Variants in IGF2BP1 observed in about 807,000 individuals in gnomAD.
IGF2BP1 encodes insulin-like growth factor 2 mRNA-binding protein 1.
Under a neutral mutation model 74.9 loss-of-function variants are expected in IGF2BP1, and 11 were observed. The observed-to-expected ratio is 0.15, with a 90% CI of 0.09 to 0.24. The LOEUF is 0.24. Ranked by LOEUF, IGF2BP1 falls within the 10% of genes least tolerant of loss-of-function variation. IGF2BP1 has a pLI of 1.00. For missense variants in IGF2BP1, 440 were observed against 757.4 expected (o/e 0.58, Z 4.92); for synonymous variants, 287 against 281.8 (o/e 1.02, Z -0.18).
intron 4 of IGF2BP1, among the ~76,000 whole-genome samples, chr17:49,029,960 T>A (rs1031442810): frequency 3.9e-5 from 6 of 152,094 alleles, no homozygotes; most frequent in African/African-American, 1.2e-4. Flanking sequence ...GGGATTCTAA[T>A]GTCAGCTTGC....
chr17:49,041,523 T>C (rs1353005344), intron 8 of IGF2BP1, 23 bp downstream of exon 8: 1 of 1,613,744 alleles, frequency 6.2e-7, no homozygotes, highest in East Asian at 2.2e-5. Context: ...TCTATTTCCC[T>C]GTTTATGAGT....
intron 4 of IGF2BP1, 105 bp downstream of exon 4, chr17:49,026,622 TTCCTTCCTTCCTGC>T: frequency 4.1e-6 from 2 of 482,352 alleles, no homozygotes; most frequent in Admixed American, 8.4e-5. Flanking sequence ...CCTTCCTTCC[TTCCTTCCTTCCTGC>T]CTTCCTTCCT....
chr17:49,007,008 T>G (rs1567809677), intron 2 of IGF2BP1, among the ~76,000 whole-genome samples: 1 of 152,182 alleles, frequency 6.6e-6, no homozygotes, highest in East Asian at 1.9e-4. Context: ...TTTCACACTT[T>G]ACGGCTACTG....
chr17:49,039,305 C>T (rs1269671779), intron 6 of IGF2BP1, among the ~76,000 whole-genome samples: 1 of 152,126 alleles, frequency 6.6e-6, no homozygotes, highest in Non-Finnish European at 1.5e-5. Flanking sequence ...ATATTTGTTT[C>T]AAGGGGGACA....
chr17:49,004,864 T>G (rs1375716194), intron 2 of IGF2BP1: 1 of 152,206 alleles, frequency 6.6e-6, no homozygotes, highest in Admixed American at 6.5e-5. Flanking sequence ...AGAAAGTGTA[T>G]GCCCATTTGG....
Position 48,997,619 on chromosome 17 carries a change from G to C in IGF2BP1, c.-127G>C. ...GCCCTGGGCTCGGGACAACTTCTGG[G>C]GTGGGGTGCAAAGAAAGTTTGCGGC... On this transcript the variant is annotated 5_prime_UTR_variant, in exon 1 of 15. Coordinates refer to ENST00000290341, the MANE Select transcript of IGF2BP1 (RefSeq NM_006546.4). The surrounding 1 kb of genome is among the most constrained non-coding windows in gnomAD (Gnocchi z 4.8). 1.0e-6 allele frequency: 1 copy of C among 1,002,638 alleles called. No individual in the cohort carries two copies. The highest frequency in any genetic ancestry group is 1.5e-6 in the Non-Finnish European group (1 of 685,326). 62.1% of individuals were successfully genotyped at this position (1,002,638 alleles called of 1,614,324 possible).
At chr17:49,014,535 C>G (rs1475763847) in intron 2 of IGF2BP1, among the ~76,000 whole-genome samples, 4 of 152,000 alleles carry the variant, frequency 2.6e-5, no homozygotes, top group Non-Finnish European at 2.9e-5. Flanking sequence ...GGAGGAAGAC[C>G]TCCACAGAGA....
chr17:49,023,528 A>G (rs151158974), intron 2 of IGF2BP1, among the ~76,000 whole-genome samples: 173 of 152,316 alleles, frequency 1.1e-3, no homozygotes, highest in African/African-American at 3.9e-3. Flanking sequence ...CACTTTTACA[A>G]CTAGAGCTTA....
intron 13 of IGF2BP1, 22 bp from the exon 14 acceptor site, chr17:49,046,238 G>A: frequency 6.2e-7 from 1 of 1,601,986 alleles, no homozygotes; most frequent in Non-Finnish European, 8.6e-7. Flanking sequence ...GGCACCCTGA[G>A]CTCCTCTCTG....
intron 7 of IGF2BP1, among the ~76,000 whole-genome samples, chr17:49,040,587 G>A (rs1053093633): frequency 2.6e-5 from 4 of 152,200 alleles, no homozygotes; most frequent in African/African-American, 4.8e-5. Flanking sequence ...TTGTGTCTGC[G>A]TGCCTGCATG....
At chr17:49,020,523 A>C (rs1253439033) in intron 2 of IGF2BP1, among the ~76,000 whole-genome samples, 1 of 152,198 alleles carries the variant, frequency 6.6e-6, no homozygotes, top group Admixed American at 6.5e-5. Context: ...CCAGAATTTG[A>C]ACCCAAAGCC....
intron 2 of IGF2BP1, among the ~76,000 whole-genome samples, chr17:49,017,631 CAG>C (rs2041722431): frequency 6.6e-6 from 1 of 152,096 alleles, no homozygotes; most frequent in African/African-American, 2.4e-5. Flanking sequence ...TTTTTCAAGT[CAG>C]AGTCTCACTC....
chr17:49,042,785 T>C (rs1269322173), intron 9 of IGF2BP1, among the ~76,000 whole-genome samples: 1 of 152,148 alleles, frequency 6.6e-6, no homozygotes, highest in Admixed American at 6.6e-5. Flanking sequence ...CAAGGAATAC[T>C]CCTGCTTCAG....
chr17:49,015,118 G>A (rs761745898), intron 2 of IGF2BP1, among the ~76,000 whole-genome samples: 6 of 152,108 alleles, frequency 3.9e-5, no homozygotes, highest in Non-Finnish European at 7.4e-5. Flanking sequence ...GATTACAGGC[G>A]TGTGCCACAA....
In IGF2BP1 at chr17:49,041,355, ACTTCTTCCTTTGTCTTC is replaced by A; in HGVS notation, c.819-21_819-5del. 1.2e-6 allele frequency: 2 copies of A among 1,613,242 alleles called. No individual in the cohort carries two copies. Among genetic ancestry groups the A allele is most frequent in the Non-Finnish European group, 1.7e-6 (2 of 1,179,654 alleles). The stretch of plus-strand genomic sequence containing the variant: ...ACAATTGAAGGAACTCTTGTCTTCC[ACTTCTTCCTTTGTCTTC>A]CCAAGGGCTGACGAGGTTCCCCTGA... On this transcript the variant is annotated splice_polypyrimidine_tract_variant and splice_region_variant and intron_variant, in intron 7 of 14. Coordinates refer to ENST00000290341, the MANE Select transcript of IGF2BP1 (RefSeq NM_006546.4).
Position 49,054,336 on chromosome 17 carries a change from G to GT in IGF2BP1, c.*4893dup, listed in dbSNP as rs1426949648. The GT allele has an allele frequency of 2.0e-5, 3 of 152,694 alleles. No homozygotes were observed. The highest frequency in any genetic ancestry group is 7.2e-5 in the African/African-American group (3 of 41,462). 9.5% of individuals were successfully genotyped at this position (152,694 alleles called of 1,614,324 possible). On this transcript the variant is annotated 3_prime_UTR_variant, in exon 15 of 15. Coordinates refer to ENST00000290341, the MANE Select transcript of IGF2BP1 (RefSeq NM_006546.4). The stretch of plus-strand genomic sequence containing the variant: ...GAGCATGTGTTTTGATTAACCGCAG[G>GT]TGATGGATGCTACGAGTATAAATGG...
intron 2 of IGF2BP1, among the ~76,000 whole-genome samples, chr17:49,009,504 G>A (rs1454983855): frequency 1.3e-5 from 2 of 151,874 alleles, no homozygotes; most frequent in Non-Finnish European, 2.9e-5. Flanking sequence ...CAGGTCAGGA[G>A]TTCAAGACCA....
At chr17:49,029,296 C>T (rs1482730701) in intron 4 of IGF2BP1, among the ~76,000 whole-genome samples, 1 of 152,174 alleles carries the variant, frequency 6.6e-6, no homozygotes, top group African/African-American at 2.4e-5. Flanking sequence ...AGGGAGAGAC[C>T]TACTGATGAA....
Position 49,010,551 on chromosome 17 carries a change from C to T in IGF2BP1, c.236+11382C>T, listed in dbSNP as rs192419469. Among the ~76,000 whole-genome samples, 274 of 151,994 alleles carry T rather than the reference C, an allele frequency of 1.8e-3. 3 individuals carry two copies. The highest frequency in any genetic ancestry group is 0.015 in the Admixed American group (236 of 15,266). On this transcript the variant is annotated intron_variant, in intron 2 of 14. Coordinates refer to ENST00000290341, the MANE Select transcript of IGF2BP1 (RefSeq NM_006546.4). The stretch of plus-strand genomic sequence containing the variant: ...CAGGATGGTCACGATCTCCTGACCT[C>T]GTGATCTGCCCGCCTTGGCCTCCCA...
Sources: allele counts gnomAD v4.1 joint callset (sites outside exome capture counted in the v4.1 genomes callset), GRCh38; gene constraint gnomAD v4.1.1; non-coding constraint Gnocchi (gnomAD v3.1); transcripts MANE v1.5; gene names NCBI Gene and HGNC (gene_info 2026-07-23, HGNC 2026-07-21).